Variants in ANK1 observed in about 807,000 individuals in gnomAD.
ANK1 encodes the protein ankyrin-1.
In ANK1, 51 loss-of-function variants were observed where a neutral mutation model predicts 210.4. The ratio of observed to expected loss-of-function variants is 0.24; its 90% confidence interval spans 0.19 to 0.31. The LOEUF (loss-of-function observed/expected upper bound fraction) is 0.31, where lower values mean the gene tolerates loss of function less well. Among genes scored for constraint, ANK1 ranks in the 10% least tolerant of loss-of-function variants. ANK1 has a pLI of 1.00. For missense variants in ANK1, 2,051 were observed against 2,504.4 expected, an observed-to-expected ratio of 0.82 and a Z score of 3.86; for synonymous variants, 967 against 1,025.9, an observed-to-expected ratio of 0.94 and a Z score of 1.10.
chr8:41,862,660 C>CA (rs60114930), intron 1 of ANK1, among the ~76,000 whole-genome samples: 7,229 of 99,556 alleles, frequency 0.073, 236 homozygotes, highest in East Asian at 0.17. Context: ...GAGGCTCAGA[C>CA]AAAAAAAAAA....
intron 1 of ANK1, among the ~76,000 whole-genome samples, chr8:41,860,290 G>A (rs2150817709): frequency 6.6e-6 from 1 of 152,302 alleles, no homozygotes; most frequent in East Asian, 1.9e-4. Context: ...CGGCCTCCAA[G>A]CAAGCAGTGA....
chr8:41,797,689 G>T (rs1849043777), upstream of ANK1: 5 of 1,237,444 alleles, frequency 4.0e-6, no homozygotes, highest in Admixed American at 1.8e-4. This position sits in a 1 kb window ranked among gnomAD's most constrained non-coding sequence, Gnocchi z 4.0. Context: ...CTTGCTGTCG[G>T]GCCGGGCGCT....
In ANK1 at chr8:41,703,441, TATATA is replaced by T. The variant is rs1265629834; in HGVS notation, c.2295+595_2295+599del. 1.2e-4 allele frequency among the ~76,000 whole-genome samples: 9 copies of T among 73,524 alleles called. No homozygotes were observed. The South Asian group carries it at 2.6e-3, about 21-fold the overall frequency. 48.2% of individuals were successfully genotyped at this position (73,524 alleles called of 152,430 possible). ...GTGTGTGTATATATATATATATATA[TATATA>T]TATATTTTTTTTTTTTTTTTAAGAC... On this transcript the variant is annotated intron_variant, in intron 20 of 42. Transcript: ENST00000289734.
chr8:41,754,461 G>A (rs1008047015), intron 2 of ANK1, among the ~76,000 whole-genome samples: 2 of 152,178 alleles, frequency 1.3e-5, no homozygotes, highest in South Asian at 4.2e-4. Flanking sequence ...GCTACTTAGA[G>A]TAATTACTTC....
At chr8:41,709,053 G>T in intron 16 of ANK1, 78 bp from the exon 17 acceptor site, 1 of 1,573,408 alleles carries the variant, frequency 6.4e-7, no homozygotes, top group Non-Finnish European at 8.7e-7. Context: ...CAGGGGCTGA[G>T]TCTGGTTCTT....
At chr8:41,832,259 G>A (rs1216137393) in intron 1 of ANK1, among the ~76,000 whole-genome samples, 1 of 152,132 alleles carries the variant, frequency 6.6e-6, no homozygotes, top group Non-Finnish European at 1.5e-5. Flanking sequence ...GAGAGACGGG[G>A]AAAGAGAAGT....
intron 22 of ANK1, chr8:41,700,457 G>A (rs975815084): frequency 1.2e-6 from 2 of 1,613,502 alleles, no homozygotes; most frequent in Non-Finnish European, 1.7e-6. Context: ...AGCAGTTCCT[G>A]GAAAGCAAAG....
At position 41,714,180 on chromosome 8, in the gene ANK1, G is replaced by C; in HGVS notation, c.1776C>G (p.Gly592=). ...CCCAGGCAGGGCTGTGCGGGGAGCC[G>C]CCCCGGGGAAGCAGCAGCTTGACGA... is the stretch of plus-strand genomic sequence containing the variant. The part of the protein sequence containing the change: ...LDIVKLLLPR[G]GSPHSPAWNG... Residue 592 remains glycine (G), a synonymous_variant, in exon 16 of 43, where the codon GGC becomes GGG. Transcript: ENST00000289734. 1 of 1,454,548 alleles carries C rather than the reference G, an allele frequency of 6.9e-7. No individual in the cohort carries two copies. The highest frequency in any genetic ancestry group is 9.2e-7 in the Non-Finnish European group (1 of 1,087,470). The allele number at this position is 1,454,548 out of a possible 1,614,324, so 90.1% of individuals were successfully genotyped here.
At chr8:41,693,287 A>AGGTGAGAC in intron 29 of ANK1, 86 bp from the exon 30 acceptor site, 1 of 1,228,266 alleles carries the variant, frequency 8.1e-7, no homozygotes, top group South Asian at 1.2e-5. Flanking sequence ...GTGGTGTGCA[A>AGGTGAGAC]GGTGAGACTG....
At chr8:41,859,682 T>C (rs886446180) in intron 1 of ANK1, among the ~76,000 whole-genome samples, 1 of 152,258 alleles carries the variant, frequency 6.6e-6, no homozygotes, top group East Asian at 1.9e-4. Context: ...GACTCTGTGC[T>C]CAATAAACAC....
intron 1 of ANK1, among the ~76,000 whole-genome samples, chr8:41,856,634 C>T (rs1812214937): frequency 6.6e-6 from 1 of 152,096 alleles, no homozygotes; most frequent in Non-Finnish European, 1.5e-5. Flanking sequence ...TCACAAAATA[C>T]TCCAAAATTA....
At position 41,834,238 on chromosome 8, in the gene ANK1, G is replaced by A. The variant is rs191133916; in HGVS notation, c.126+62117C>T. Among the ~76,000 whole-genome samples, 521 of 152,328 alleles carry A rather than the reference G, an allele frequency of 3.4e-3. 2 individuals are homozygous for A. Among genetic ancestry groups the A allele is most frequent in the African/African-American group, 0.011 (456 of 41,568 alleles). On this transcript the variant is annotated intron_variant, in intron 1 of 42. Transcript: ENST00000265709. ...CTCTGGCTGCCGAGGCCTCCACATA[G>A]GCCATGGCCACGGGGCAGAAAGCAG...
intron 1 of ANK1, among the ~76,000 whole-genome samples, chr8:41,879,718 C>T (rs992746533): frequency 1.3e-5 from 2 of 152,178 alleles, no homozygotes; most frequent in Admixed American, 6.5e-5. Context: ...CAACAACCAG[C>T]GCAGCCCGCT....
chr8:41,674,042 C>T (rs181509443), intron 37 of ANK1, among the ~76,000 whole-genome samples: 12 of 152,284 alleles, frequency 7.9e-5, no homozygotes, highest in Admixed American at 2.6e-4. Flanking sequence ...TCAGCCCCTA[C>T]CCCCACTCCT....
chr8:41,715,585 C>T, intron 14 of ANK1, 67 bp downstream of exon 14: 1 of 1,582,020 alleles, frequency 6.3e-7, no homozygotes, highest in Non-Finnish European at 8.6e-7. Flanking sequence ...CAGGAATTCC[C>T]CTCCGAGCTC....
chr8:41,807,876 C>T (rs763854062), intron 1 of ANK1, among the ~76,000 whole-genome samples: 4 of 137,014 alleles, frequency 2.9e-5, no homozygotes, highest in African/African-American at 5.6e-5. Context: ...TTTCTCTCTA[C>T]AAAGAGGAGG....
intron 1 of ANK1, among the ~76,000 whole-genome samples, chr8:41,815,796 A>G (rs1803232119): frequency 6.6e-6 from 1 of 152,212 alleles, no homozygotes; most frequent in African/African-American, 2.4e-5. Context: ...CATCATTTCT[A>G]GAAATATATG....
At chr8:41,754,998 C>T (rs1056576855) in intron 2 of ANK1, among the ~76,000 whole-genome samples, 1 of 152,248 alleles carries the variant, frequency 6.6e-6, no homozygotes, top group Non-Finnish European at 1.5e-5. Context: ...TGTGTCCTGT[C>T]TTTCGTTCCC....
upstream of ANK1, among the ~76,000 whole-genome samples, chr8:41,799,125 G>T (rs566384345): frequency 6.6e-5 from 10 of 152,340 alleles, no homozygotes; most frequent in Admixed American, 5.9e-4. Context: ...CCTTAAGCAG[G>T]AGCCTTTTGA....
Sources: gnomAD v4.1 joint callset for allele counts (sites outside exome capture counted in the v4.1 genomes callset) on GRCh38, gnomAD v4.1.1 for gene constraint, Gnocchi (gnomAD v3.1) non-coding constraint, MANE v1.5 for transcripts, NCBI Gene and HGNC (gene_info 2026-07-23, HGNC 2026-07-21) for gene names.